TXNRD1: variants seen among roughly 807,000 people sequenced by gnomAD.
TXNRD1 encodes thioredoxin reductase 1, cytoplasmic.
A neutral mutation model predicts 80.3 loss-of-function variants in TXNRD1; 57 were observed. The ratio of observed to expected loss-of-function variants is 0.71; its 90% CI spans 0.57 to 0.89. The LOEUF is 0.89. Among genes scored for constraint, TXNRD1 ranks in the 40% least tolerant of loss-of-function variants. TXNRD1 has a pLI of 0.00. For missense variants in TXNRD1, 730 were observed against 803.0 expected, an observed-to-expected ratio of 0.91 and a Z score of 1.10; for synonymous variants, 291 against 285.2, an observed-to-expected ratio of 1.02 and a Z score of -0.20.
At chr12:104,248,976 C>A (rs1046754340) in intron 1 of TXNRD1, among the ~76,000 whole-genome samples, 1 of 152,206 alleles carries the variant, frequency 6.6e-6, no homozygotes, top group Non-Finnish European at 1.5e-5. Flanking sequence ...GCCACCGCCC[C>A]GGGCCCAGAG....
At chr12:104,292,584 G>C (rs1453858026) in intron 4 of TXNRD1, among the ~76,000 whole-genome samples, 3 of 152,040 alleles carry the variant, frequency 2.0e-5, no homozygotes, top group Middle Eastern at 3.2e-3. Flanking sequence ...TAGTAGAGAT[G>C]TGGTTTTGCC....
At chr12:104,309,796 A>G (rs1454089953) in intron 4 of TXNRD1, 15 of 1,533,350 alleles carry the variant, frequency 9.8e-6, no homozygotes, top group Non-Finnish European at 1.3e-5. Flanking sequence ...CCATAATGCC[A>G]GTTGATGACT....
chr12:104,234,801 T>C (rs1045335709), intron 1 of TXNRD1, among the ~76,000 whole-genome samples: 1 of 151,864 alleles, frequency 6.6e-6, no homozygotes, highest in African/African-American at 2.4e-5. Context: ...TCTCCTATAG[T>C]AGGCCAGAAG....
intron 4 of TXNRD1, 29 bp downstream of exon 4, chr12:104,289,069 C>T: frequency 6.2e-7 from 1 of 1,601,602 alleles, no homozygotes; most frequent in South Asian, 1.1e-5. Context: ...TCTTTTTAAA[C>T]GGGGGATGAG....
intron 2 of TXNRD1, among the ~76,000 whole-genome samples, chr12:104,256,880 A>G (rs2033263153): frequency 6.6e-6 from 1 of 151,592 alleles, no homozygotes; most frequent in African/African-American, 2.4e-5. Flanking sequence ...ATTTGGTCCT[A>G]TAGAAATGAT....
intron 3 of TXNRD1, chr12:104,286,799 T>C: frequency 6.9e-6 from 7 of 1,019,346 alleles, no homozygotes; most frequent in Non-Finnish European, 8.2e-6. Context: ...TTGCCTTAAA[T>C]TGTTTTTGCT....
chr12:104,266,237 C>G (rs1480269614), intron 3 of TXNRD1, among the ~76,000 whole-genome samples: 4 of 152,042 alleles, frequency 2.6e-5, no homozygotes, highest in Admixed American at 6.6e-5. Flanking sequence ...GATAATAATA[C>G]TAGGAAGAGC....
intron 3 of TXNRD1, among the ~76,000 whole-genome samples, chr12:104,267,653 CTTT>C (rs1565870025): frequency 0.037 from 1,003 of 27,352 alleles, 16 homozygotes; most frequent in African/African-American, 0.13. Context: ...TGGTATCTTT[CTTT>C]CTTTCTTTCT....
intron 1 of TXNRD1, among the ~76,000 whole-genome samples, chr12:104,218,250 T>A (rs894075695): frequency 2.0e-5 from 3 of 152,052 alleles, no homozygotes; most frequent in Non-Finnish European, 4.4e-5. Context: ...GGTCTTGAAC[T>A]CTTGACCTCG....
intron 1 of TXNRD1, among the ~76,000 whole-genome samples, chr12:104,244,367 G>A (rs1039141243): frequency 3.3e-5 from 5 of 152,102 alleles, no homozygotes; most frequent in African/African-American, 1.2e-4. Flanking sequence ...ATATCCCTAA[G>A]AGTACAAAGA....
At chr12:104,270,614 G>A (rs11610053) in intron 3 of TXNRD1, among the ~76,000 whole-genome samples, 5,309 of 152,110 alleles carry the variant, frequency 0.035, 164 homozygotes, top group East Asian at 0.17. Flanking sequence ...AAGTCCATTT[G>A]TCTCCTGTTT....
In TXNRD1 at chr12:104,247,794, G is replaced by A. The variant is rs1399238371; in HGVS notation, c.92-3733G>A. 2.6e-5 allele frequency among the ~76,000 whole-genome samples: 4 copies of A among 152,192 alleles called. No homozygotes were observed. The South Asian group carries it at 8.3e-4, about 31-fold the overall frequency. Reference sequence around the variant, plus strand: ...ATAGTTGGGTGGTGCCCTTGGCATAGATGTTATGTAAGGAATTGTCACCTG... The same window carrying A: ...ATAGTTGGGTGGTGCCCTTGGCATAAATGTTATGTAAGGAATTGTCACCTG... On this transcript the variant is annotated intron_variant, in intron 1 of 16. Coordinates refer to ENST00000525566, the MANE Select transcript of TXNRD1 (RefSeq NM_001093771.3).
intron 4 of TXNRD1, chr12:104,303,671 C>A: frequency 2.1e-6 from 1 of 478,460 alleles, no homozygotes; most frequent in Non-Finnish European, 3.6e-6. Flanking sequence ...TGGGCCGGGC[C>A]GGGGCGGGGC....
At chr12:104,244,907 A>G (rs1368667119) in intron 1 of TXNRD1, among the ~76,000 whole-genome samples, 1 of 152,220 alleles carries the variant, frequency 6.6e-6, no homozygotes, top group Non-Finnish European at 1.5e-5. Flanking sequence ...AAGCTGTGGC[A>G]AGGTATAACT....
intron 2 of TXNRD1, among the ~76,000 whole-genome samples, chr12:104,256,210 A>G (rs2033244128): frequency 1.3e-5 from 2 of 152,204 alleles, no homozygotes; most frequent in African/African-American, 2.4e-5. Flanking sequence ...GTATTTCTCT[A>G]TGGGATGAGT....
intron 2 of TXNRD1, among the ~76,000 whole-genome samples, 170 bp downstream of exon 2, chr12:104,251,848 A>G (rs1319225058): frequency 1.3e-5 from 2 of 152,102 alleles, no homozygotes; most frequent in Non-Finnish European, 2.9e-5. Context: ...AGTGGATCAC[A>G]AGGTCAAGAG....
intron 11 of TXNRD1, 94 bp from the exon 12 acceptor site, chr12:104,326,253 A>G (rs1378687284): frequency 2.5e-6 from 2 of 801,610 alleles, no homozygotes; most frequent in Non-Finnish European, 3.9e-6. Flanking sequence ...GAAAAATGAA[A>G]TCAGATTAGC....
intron 7 of TXNRD1, among the ~76,000 whole-genome samples, chr12:104,316,894 G>A (rs747527066): frequency 2.0e-5 from 3 of 152,130 alleles, no homozygotes; most frequent in African/African-American, 7.2e-5. Context: ...TAAACATTTT[G>A]TGGCTTTTTT....
In TXNRD1 at chr12:104,267,754, TCCTC is replaced by T. The variant is rs374807829; in HGVS notation, c.304+9683_304+9686del. ...TTCTTTCCTTTCTTCCTTCCTTCCT[TCCTC>T]CCTCCCTTCCCTTTCCTTCCCTTCC... On this transcript the variant is annotated intron_variant, in intron 3 of 16. Coordinates refer to ENST00000525566, the MANE Select transcript of TXNRD1 (RefSeq NM_001093771.3). Among the ~76,000 whole-genome samples the T allele has an allele frequency of 4.9e-3, 720 of 146,156 alleles. 5 individuals are homozygous for T. Among genetic ancestry groups the T allele is most frequent in the African/African-American group, 0.017 (681 of 39,632 alleles).
Sources: gnomAD v4.1 joint callset for allele counts (sites outside exome capture counted in the v4.1 genomes callset) on GRCh38, gnomAD v4.1.1 for gene constraint, MANE v1.5 for transcripts, NCBI Gene and HGNC (gene_info 2026-07-23, HGNC 2026-07-21) for gene names.